The following DNAI7 variants were observed in gnomAD, a reference collection of about 807,000 sequenced individuals.
The protein encoded by DNAI7 is cancer susceptibility 1.
DNAI7 carries 78 observed loss-of-function variants against 86.6 expected under a neutral mutation model. The observed-to-expected ratio is 0.90, with a 90% CI of 0.75 to 1.09. DNAI7 has a LOEUF of 1.09. DNAI7 is among the 50% of genes least tolerant of loss of function. The pLI, the probability that DNAI7 is intolerant of heterozygous loss-of-function variation, is 0.00. For missense variants in DNAI7, 753 were observed against 810.2 expected (o/e 0.93, Z 0.86); for synonymous variants, 274 against 273.0 (o/e 1.00, Z -0.04).
At chr12:25,150,401 A>G (rs10771173) in intron 6 of DNAI7, among the ~76,000 whole-genome samples, 124,793 of 151,914 alleles carry the variant, frequency 0.82, 52,974 homozygotes, top group East Asian at 1. Flanking sequence ...TCAGGAGATC[A>G]AGACTATCCT....
At chr12:25,113,122 C>T (rs1236061363) in intron 13 of DNAI7, among the ~76,000 whole-genome samples, 1 of 152,180 alleles carries the variant, frequency 6.6e-6, no homozygotes, top group African/African-American at 2.4e-5. Flanking sequence ...AATCCCCTTA[C>T]ACAATCTCAG....
downstream of DNAI7, among the ~76,000 whole-genome samples, chr12:25,107,269 AT>A (rs1343622615): frequency 6.6e-6 from 1 of 152,166 alleles, no homozygotes; most frequent in Non-Finnish European, 1.5e-5. Flanking sequence ...TATATGTTAT[AT>A]TCTATTTTAT....
intron 2 of DNAI7, among the ~76,000 whole-genome samples, chr12:25,182,032 A>G (rs1443468530): frequency 1.1e-5 from 1 of 94,346 alleles, no homozygotes; most frequent in Non-Finnish European, 2.2e-5. Flanking sequence ...AAAGAAAAGA[A>G]ATTTTTTTTT....
intron 12 of DNAI7, 71 bp from the exon 13 acceptor site, chr12:25,114,941 C>A (rs1939769845): frequency 1.7e-6 from 2 of 1,176,754 alleles, no homozygotes; most frequent in African/African-American, 1.6e-5. Flanking sequence ...ATGAAAGCAC[C>A]AAAAAAATTG....
intron 11 of DNAI7, among the ~76,000 whole-genome samples, chr12:25,121,023 T>C (rs1218867558): frequency 1.3e-5 from 2 of 152,270 alleles, no homozygotes; most frequent in African/African-American, 4.8e-5. Context: ...GGTTCAATGC[T>C]GTTGATTTAG....
chr12:25,158,269 C>T (rs1247820335), intron 4 of DNAI7, among the ~76,000 whole-genome samples: 2 of 152,080 alleles, frequency 1.3e-5, no homozygotes, highest in South Asian at 2.1e-4. Context: ...TGCTATGCCA[C>T]TGATTAGATG....
chr12:25,174,377 T>TATATCATATATATATCC (rs368509269), intron 2 of DNAI7, among the ~76,000 whole-genome samples: 15 of 1,046 alleles, frequency 0.014, 6 homozygotes, highest in African/African-American at 0.031. Flanking sequence ...ATATGTTATA[T>TATATCATATATATATCC]CATATATATG....
chr12:25,173,924 T>TCTCATATATA (rs1213041098), intron 2 of DNAI7, among the ~76,000 whole-genome samples: 280 of 16,800 alleles, frequency 0.017, no homozygotes, highest in African/African-American at 0.053. Flanking sequence ...GGAATATATA[T>TCTCATATATA]ATCATATATA....
chr12:25,149,732 A>G lies in DNAI7; in HGVS notation c.481T>C (p.Cys161Arg). ...LKFILLETPP[C>R]DLQDKNIIQY... ...ATTATATTTTTATCTTGCAAATCACATGGTGGAGTTTCCAGTAAAATAAAT... is the reference window on the plus strand; with the variant it reads ...ATTATATTTTTATCTTGCAAATCACGTGGTGGAGTTTCCAGTAAAATAAAT... The change falls in exon 7 of 16, where the codon TGT becomes CGT. Residue 161 changes from cysteine to arginine, a missense_variant. Coordinates refer to ENST00000395987, the MANE Select transcript of DNAI7 (RefSeq NM_018272.5). 7.7e-6 allele frequency: 12 copies of G among 1,548,608 alleles called. No individual in the cohort carries two copies. The highest frequency in any genetic ancestry group is 1.1e-5 in the Non-Finnish European group (12 of 1,122,930).
At chr12:25,138,014 C>T (rs868402204) in intron 9 of DNAI7, among the ~76,000 whole-genome samples, 3 of 150,180 alleles carry the variant, frequency 2.0e-5, no homozygotes, top group Non-Finnish European at 4.4e-5. Flanking sequence ...AAAAAAAAAA[C>T]AAAACAAAAC....
In DNAI7 at chr12:25,121,922, A is replaced by C; in HGVS notation, c.1079-9T>G. 1 of 1,558,868 alleles carries C rather than the reference A, an allele frequency of 6.4e-7. No individual in the cohort carries two copies. Among genetic ancestry groups the C allele is most frequent in the East Asian group, 2.3e-5 (1 of 43,636 alleles). ...TACCAGCAACAACTGTGCTAAAATT[A>C]ATCAGATTAACAGTTTTCAAATAGA... is the stretch of plus-strand genomic sequence containing the variant. On this transcript the variant is annotated splice_polypyrimidine_tract_variant and intron_variant, in intron 10 of 15. Coordinates refer to ENST00000395987, the MANE Select transcript of DNAI7 (RefSeq NM_018272.5).
chr12:25,174,177 A>G (rs1487150520), intron 2 of DNAI7, among the ~76,000 whole-genome samples: 1 of 147,250 alleles, frequency 6.8e-6, no homozygotes, highest in Non-Finnish European at 1.5e-5. Context: ...CAGATTCTGG[A>G]TATTAGTCCT....
chr12:25,113,051 C>T (rs1453607340), intron 13 of DNAI7, among the ~76,000 whole-genome samples: 1 of 152,112 alleles, frequency 6.6e-6, no homozygotes, highest in Non-Finnish European at 1.5e-5. Context: ...AATCTCTGCA[C>T]AAGGGTCGTC....
At chr12:25,112,020 C>G (rs1046742317) in intron 13 of DNAI7, 81 bp from the exon 14 acceptor site, 5 of 837,146 alleles carry the variant, frequency 6.0e-6, no homozygotes, top group Non-Finnish European at 8.9e-6. Context: ...CCTTTAGATG[C>G]TTTATACATT....
chr12:25,133,191 A>C (rs1409892180), intron 9 of DNAI7, among the ~76,000 whole-genome samples: 2 of 151,186 alleles, frequency 1.3e-5, no homozygotes, highest in Non-Finnish European at 2.9e-5. Flanking sequence ...TAAAGTGAGA[A>C]TCGAAATTTC....
At chr12:25,123,066 T>G in intron 10 of DNAI7, 145 bp downstream of exon 10, 1 of 589,790 alleles carries the variant, frequency 1.7e-6, no homozygotes, top group Non-Finnish European at 2.9e-6. Flanking sequence ...CTGTTAACAC[T>G]GGTATCTCAG....
At chr12:25,139,069 C>T (rs751636360) in intron 9 of DNAI7, among the ~76,000 whole-genome samples, 1 of 152,036 alleles carries the variant, frequency 6.6e-6, no homozygotes. Context: ...TTCAAGGCTA[C>T]TATGAACACC....
intron 9 of DNAI7, among the ~76,000 whole-genome samples, chr12:25,142,147 C>T (rs117167441): frequency 0.017 from 2,557 of 152,228 alleles, 43 homozygotes; most frequent in East Asian, 0.064. Context: ...ATATGTGTAC[C>T]ATGGAATACC....
At chr12:25,190,794 C>A (rs1435657653) in intron 1 of DNAI7, among the ~76,000 whole-genome samples, 163 bp from the exon 2 acceptor site, 3 of 152,016 alleles carry the variant, frequency 2.0e-5, no homozygotes, top group Non-Finnish European at 2.9e-5. Flanking sequence ...AAAATTATCC[C>A]AAAATAAAAT....
Sources: allele counts gnomAD v4.1 joint callset (sites outside exome capture counted in the v4.1 genomes callset), GRCh38; gene constraint gnomAD v4.1.1; transcripts MANE v1.5; gene names NCBI Gene and HGNC (gene_info 2026-07-23, HGNC 2026-07-21).